The following MAPK10 variants were observed in gnomAD, a reference collection of about 807,000 sequenced individuals.
MAPK10 encodes the protein JNK3 alpha protein kinase.
Under a neutral mutation model 59.3 loss-of-function variants are expected in MAPK10, and 25 were observed. That is an observed-to-expected ratio of 0.42 (90% CI 0.31 to 0.59). The LOEUF is 0.59. MAPK10 is among the 20% of genes least tolerant of loss of function. The pLI is 0.15. For synonymous variants in MAPK10, 190 were observed against 200.5 expected (o/e 0.95, Z 0.44); for missense variants, 351 against 568.9 (o/e 0.62, Z 3.90).
chr4:86,308,625 T>A (rs919112106), intron 2 of MAPK10: 5 of 152,190 alleles, frequency 3.3e-5, no homozygotes, highest in Non-Finnish European at 7.3e-5. Context: ...TCCATTTAGA[T>A]GCATCTATCC....
chr4:86,150,507 CTT>C (rs2066135926), intron 4 of MAPK10, among the ~76,000 whole-genome samples: 1 of 152,190 alleles, frequency 6.6e-6, no homozygotes, highest in South Asian at 2.1e-4. Context: ...GGATTAGCCA[CTT>C]AGGAGGTCAA....
intron 2 of MAPK10, among the ~76,000 whole-genome samples, chr4:86,293,853 G>A (rs1470497875): frequency 6.6e-6 from 1 of 152,082 alleles, no homozygotes; most frequent in East Asian, 1.9e-4. Context: ...ATCCATTCAG[G>A]AGAAATCCGC....
At chr4:86,548,196 G>A (rs1032088065) in intron 1 of MAPK10, among the ~76,000 whole-genome samples, 1 of 151,656 alleles carries the variant, frequency 6.6e-6, no homozygotes, top group Non-Finnish European at 1.5e-5. Flanking sequence ...CGAACCCACC[G>A]GGAGGAACAA....
At chr4:86,511,305 G>C (rs372063679) in intron 1 of MAPK10, among the ~76,000 whole-genome samples, 1 of 151,228 alleles carries the variant, frequency 6.6e-6, no homozygotes, top group African/African-American at 2.4e-5. Context: ...GCAATGTAAG[G>C]AGACATTTTG....
intron 2 of MAPK10, among the ~76,000 whole-genome samples, chr4:86,245,899 C>A (rs184451851): frequency 6.6e-6 from 1 of 152,140 alleles, no homozygotes; most frequent in Non-Finnish European, 1.5e-5. Context: ...AAATATATTA[C>A]TCAAAATTAT....
At chr4:86,344,124 T>C (rs1726710620) in intron 2 of MAPK10, among the ~76,000 whole-genome samples, 1 of 152,328 alleles carries the variant, frequency 6.6e-6, no homozygotes, top group South Asian at 2.1e-4. Flanking sequence ...GAACCTCATT[T>C]GAGAATGCCT....
intron 2 of MAPK10, among the ~76,000 whole-genome samples, chr4:86,288,255 T>C (rs934671977): frequency 1.3e-5 from 2 of 151,844 alleles, no homozygotes. Flanking sequence ...ACATGTGCCA[T>C]GCTGGTGTGC....
In MAPK10 at chr4:86,110,257, T is replaced by C. The variant is rs180852043; in HGVS notation, c.237-2905A>G. 3.7e-4 allele frequency among the ~76,000 whole-genome samples: 56 copies of C among 152,326 alleles called. 1 individual carries two copies. The highest frequency in any genetic ancestry group is 1.2e-3 in the African/African-American group (51 of 41,588). On this transcript the variant is annotated intron_variant, in intron 4 of 13. Transcript: ENST00000641462. ...AGATCCCATTTGTCCTTTTTTGCTT[T>C]TGTTGCAATTGCTTTTGCCATTTTC...
chr4:86,270,729 G>T (rs963338358), intron 2 of MAPK10, among the ~76,000 whole-genome samples: 1 of 152,044 alleles, frequency 6.6e-6, no homozygotes, highest in Non-Finnish European at 1.5e-5. Context: ...TATCACCATA[G>T]ATTAGTTTTA....
intron 2 of MAPK10, among the ~76,000 whole-genome samples, chr4:86,311,040 A>ACG (rs2095658480): frequency 6.8e-6 from 1 of 147,304 alleles, no homozygotes; most frequent in Non-Finnish European, 1.5e-5. Flanking sequence ...TAAGTTACAC[A>ACG]CACACACACA....
chr4:86,345,049 C>T (rs1461153194), intron 2 of MAPK10, among the ~76,000 whole-genome samples: 1 of 152,150 alleles, frequency 6.6e-6, no homozygotes, highest in East Asian at 1.9e-4. Flanking sequence ...GAAGTGACTT[C>T]CTATAGCTAA....
intron 3 of MAPK10, among the ~76,000 whole-genome samples, chr4:86,188,143 T>C (rs947636933): frequency 6.6e-5 from 10 of 152,224 alleles, no homozygotes; most frequent in African/African-American, 2.4e-4. Context: ...TTATCTAGTC[T>C]ATTACTGATG....
chr4:86,268,755 A>T (rs1053058694), intron 2 of MAPK10, among the ~76,000 whole-genome samples: 7 of 152,186 alleles, frequency 4.6e-5, no homozygotes, highest in African/African-American at 1.7e-4. Context: ...CTTCCTTGAC[A>T]GTTCTAACTA....
chr4:86,281,053 A>G (rs1563938107), intron 2 of MAPK10, among the ~76,000 whole-genome samples: 1 of 152,152 alleles, frequency 6.6e-6, no homozygotes, highest in African/African-American at 2.4e-5. Context: ...TATACAATAT[A>G]CCCTGTGACA....
At chr4:86,311,815 G>A (rs10213444) in intron 2 of MAPK10, among the ~76,000 whole-genome samples, 37,175 of 151,956 alleles carry the variant, frequency 0.24, 5,058 homozygotes, top group South Asian at 0.43. Flanking sequence ...CACTGTCTGG[G>A]TGTTAAAATC....
chr4:86,183,048 T>A (rs1191066885), intron 3 of MAPK10, among the ~76,000 whole-genome samples: 1 of 152,136 alleles, frequency 6.6e-6, no homozygotes, highest in Non-Finnish European at 1.5e-5. Context: ...GCTGAAATTT[T>A]TAGGCTATGT....
At chr4:86,437,818 C>A (rs941423457) in intron 1 of MAPK10, among the ~76,000 whole-genome samples, 10 of 152,060 alleles carry the variant, frequency 6.6e-5, no homozygotes, top group Admixed American at 2.0e-4. Flanking sequence ...AACTGTACAG[C>A]ACAAAACTGG....
chr4:86,130,512 G>T (rs2060813121), intron 4 of MAPK10, among the ~76,000 whole-genome samples: 1 of 152,076 alleles, frequency 6.6e-6, no homozygotes, highest in South Asian at 2.1e-4. Context: ...ATGACAAAGA[G>T]AATAATTGCT....
At chr4:86,466,523 GT>G (rs757220124) in intron 1 of MAPK10, among the ~76,000 whole-genome samples, 32 of 152,114 alleles carry the variant, frequency 2.1e-4, no homozygotes, top group South Asian at 4.1e-4. Flanking sequence ...GTGCCACTGG[GT>G]TAGGGTCTCC....
Sources: allele counts gnomAD v4.1 joint callset (sites outside exome capture counted in the v4.1 genomes callset), GRCh38; gene constraint gnomAD v4.1.1; transcripts MANE v1.5; gene names NCBI Gene and HGNC (gene_info 2026-07-23, HGNC 2026-07-21).